IL1RAP: variants seen among roughly 807,000 people sequenced by gnomAD.
IL1RAP encodes the protein interleukin-1 receptor accessory protein.
In IL1RAP, 35 loss-of-function variants were observed where a neutral mutation model predicts 60.7. The ratio of observed to expected loss-of-function variants is 0.58; its 90% CI spans 0.44 to 0.76. The LOEUF (loss-of-function observed/expected upper bound fraction) is 0.76. Among genes scored for constraint, IL1RAP ranks in the 30% least tolerant of loss-of-function variants. IL1RAP has a pLI of 0.00. For synonymous variants in IL1RAP, 268 were observed against 250.9 expected, an observed-to-expected ratio of 1.07 and a Z score of -0.64; for missense variants, 572 against 693.9, an observed-to-expected ratio of 0.82 and a Z score of 1.97.
intron 9 of IL1RAP, among the ~76,000 whole-genome samples, chr3:190,632,357 G>T (rs1221853159): frequency 6.6e-6 from 1 of 152,130 alleles, no homozygotes; most frequent in East Asian, 1.9e-4. Context: ...AATGATGTTG[G>T]ACAATTTTTC....
At chr3:190,639,873 C>T (rs937017638) in intron 9 of IL1RAP, among the ~76,000 whole-genome samples, 8 of 152,166 alleles carry the variant, frequency 5.3e-5, no homozygotes, top group African/African-American at 1.9e-4. Context: ...TACCTGAAGT[C>T]TCTAATTAAT....
At position 190,649,670 on chromosome 3, in the gene IL1RAP, T is replaced by A; in HGVS notation, c.*965T>A. The A allele has an allele frequency of 1.0e-6, 1 of 985,888 alleles. No homozygotes were observed. Among genetic ancestry groups the A allele is most frequent in the South Asian group, 4.7e-5 (1 of 21,292 alleles). The allele number at this position is 985,888 out of a possible 1,614,324, so 61.1% of individuals were successfully genotyped here. A position where few individuals can be genotyped will look rare whatever the true frequency, so the allele number is the denominator to read the frequency against. The stretch of plus-strand genomic sequence containing the variant: ...AAAGTGATTTTTTCTCACTCGTTTT[T>A]GTTGCTCCATTGTAAAGGGCGGAGG... On this transcript the variant is annotated 3_prime_UTR_variant, in exon 12 of 12. Coordinates refer to ENST00000447382, the MANE Select transcript of IL1RAP (RefSeq NM_002182.4).
chr3:190,656,600 T>A, exon 12 of IL1RAP: 2 of 1,510,012 alleles, frequency 1.3e-6, no homozygotes, highest in Non-Finnish European at 1.8e-6. Context: ...GACTTTTATA[T>A]CCTATAATTA....
chr3:190,625,818 G>A lies in IL1RAP; in HGVS notation c.776-1505G>A, dbSNP rs531916344. ...TAGTCATATGAATACTCTTCCTGCT[G>A]TCAGGGTAAACCCTTATTAATAACA... On this transcript the variant is annotated intron_variant, in intron 7 of 11. Transcript: ENST00000447382. 3.9e-5 allele frequency among the ~76,000 whole-genome samples: 6 copies of A among 152,300 alleles called. 1 individual carries two copies. In the South Asian group the frequency reaches 8.3e-4, roughly 21 times the overall value.
At chr3:190,597,612 A>G (rs1729493688) in intron 3 of IL1RAP, among the ~76,000 whole-genome samples, 1 of 152,196 alleles carries the variant, frequency 6.6e-6, no homozygotes. Flanking sequence ...TTCACTGGCC[A>G]GAGGAAATTC....
chr3:190,574,993 G>GTT (rs3836446), intron 3 of IL1RAP, among the ~76,000 whole-genome samples: 5,844 of 151,632 alleles, frequency 0.039, 351 homozygotes, highest in African/African-American at 0.13. Flanking sequence ...AGGGAAATGA[G>GTT]TTTTTTTTTA....
chr3:190,616,350 T>G (rs1731267438), intron 5 of IL1RAP, among the ~76,000 whole-genome samples: 1 of 152,146 alleles, frequency 6.6e-6, no homozygotes, highest in Non-Finnish European at 1.5e-5. Context: ...TATATTGTAC[T>G]TAGAAATTGA....
chr3:190,628,640 A>T (rs1732518080), intron 8 of IL1RAP, among the ~76,000 whole-genome samples: 1 of 152,186 alleles, frequency 6.6e-6, no homozygotes, highest in Admixed American at 6.5e-5. Context: ...ATTTATTTTT[A>T]CAAAGTTTAC....
rs931096970 is a variant in IL1RAP, at chr3:190,651,155, C to A, written c.*2450C>A. 2 of 982,358 alleles carry A rather than the reference C, an allele frequency of 2.0e-6. No homozygotes were observed. The highest frequency in any genetic ancestry group is 3.6e-5 in the African/African-American group (2 of 56,330). 60.9% of individuals were successfully genotyped at this position (982,358 alleles called of 1,614,324 possible). The stretch of plus-strand genomic sequence containing the variant: ...CATAATTTAGAGAACAAGAACAAAC[C>A]ATGTCTCAAATTTTTTTAAAAAAAA... On this transcript the variant is annotated 3_prime_UTR_variant, in exon 12 of 12. Transcript: ENST00000447382.
At chr3:190,609,624 C>T (rs183524292) in intron 5 of IL1RAP, among the ~76,000 whole-genome samples, 19 of 152,196 alleles carry the variant, frequency 1.2e-4, no homozygotes, top group African/African-American at 4.6e-4. Context: ...TTTCCACATC[C>T]AAGGGATTTG....
intron 1 of IL1RAP, among the ~76,000 whole-genome samples, chr3:190,553,256 C>T (rs1164513026): frequency 1.3e-5 from 2 of 152,156 alleles, no homozygotes; most frequent in South Asian, 4.1e-4. Context: ...CTGGCTACAA[C>T]TTAAGACCAG....
chr3:190,524,893 C>T (rs945363542), intron 1 of IL1RAP, among the ~76,000 whole-genome samples: 1 of 151,968 alleles, frequency 6.6e-6, no homozygotes, highest in East Asian at 1.9e-4. Flanking sequence ...CACATTTACA[C>T]ACATACATAT....
At chr3:190,528,994 G>A (rs1381291733) in intron 1 of IL1RAP, among the ~76,000 whole-genome samples, 2 of 152,138 alleles carry the variant, frequency 1.3e-5, no homozygotes, top group African/African-American at 4.8e-5. Flanking sequence ...GGAGATGAGA[G>A]AACAGTTAAG....
At chr3:190,587,800 A>G (rs1226033406) in intron 3 of IL1RAP, among the ~76,000 whole-genome samples, 1 of 152,260 alleles carries the variant, frequency 6.6e-6, no homozygotes, top group African/African-American at 2.4e-5. Flanking sequence ...ACCTGAGGTC[A>G]GTGGATAGAG....
At chr3:190,610,237 CT>C in intron 5 of IL1RAP, among the ~76,000 whole-genome samples, 1 of 152,126 alleles carries the variant, frequency 6.6e-6, no homozygotes, top group South Asian at 2.1e-4. Flanking sequence ...CAAAAGATAT[CT>C]TGGTGAAGTT....
intron 7 of IL1RAP, among the ~76,000 whole-genome samples, chr3:190,626,929 C>G (rs980000020): frequency 1.3e-5 from 2 of 152,090 alleles, no homozygotes; most frequent in African/African-American, 4.8e-5. Flanking sequence ...CTCGGCCTCC[C>G]AAAGTGCTGG....
At chr3:190,539,426 T>G (rs1220982472) in intron 1 of IL1RAP, among the ~76,000 whole-genome samples, 1 of 152,096 alleles carries the variant, frequency 6.6e-6, no homozygotes, top group Non-Finnish European at 1.5e-5. Context: ...TGATACAGAT[T>G]GTAACAGACT....
chr3:190,575,370 C>T (rs1382763050), intron 3 of IL1RAP, among the ~76,000 whole-genome samples: 2 of 152,142 alleles, frequency 1.3e-5, no homozygotes, highest in Non-Finnish European at 2.9e-5. Context: ...TTGGGGATGG[C>T]TTCAAGTCTT....
chr3:190,530,294 G>C (rs1007729000), intron 1 of IL1RAP, among the ~76,000 whole-genome samples: 10 of 152,102 alleles, frequency 6.6e-5, no homozygotes, highest in African/African-American at 2.2e-4. Context: ...AAGACATGGA[G>C]ACACAATGAA....
Sources: gnomAD v4.1 joint callset for allele counts (sites outside exome capture counted in the v4.1 genomes callset) on GRCh38, gnomAD v4.1.1 for gene constraint, MANE v1.5 for transcripts, NCBI Gene and HGNC (gene_info 2026-07-23, HGNC 2026-07-21) for gene names.